CASD1: variants seen among roughly 807,000 people sequenced by gnomAD.
The protein encoded by CASD1 is CAS1 domain sialic acid O acetyltransferase 1.
Under a neutral mutation model 100.0 loss-of-function variants are expected in CASD1, and 41 were observed. That is an observed-to-expected ratio of 0.41 (90% CI 0.32 to 0.53). The LOEUF is 0.53. Among genes scored for constraint, CASD1 ranks in the 20% least tolerant of loss-of-function variants. The pLI is 0.25. For synonymous variants in CASD1, 321 were observed against 315.6 expected (o/e 1.02, Z -0.18); for missense variants, 774 against 948.7 (o/e 0.82, Z 2.42).
chr7:94,536,300 A>G (rs1346570945), intron 8 of CASD1, among the ~76,000 whole-genome samples: 1 of 152,212 alleles, frequency 6.6e-6, no homozygotes, highest in Admixed American at 6.5e-5. Flanking sequence ...TTCAAGATAC[A>G]GAGTACATAC....
chr7:94,600,580 A>G, the CASD1 span: 1 of 1,231,930 alleles, frequency 8.1e-7, no homozygotes, highest in Non-Finnish European at 1.2e-6. Flanking sequence ...TTTGCTTTTA[A>G]TGGAATCTTC....
the CASD1 span, among the ~76,000 whole-genome samples, chr7:94,610,570 CAG>C: frequency 6.6e-6 from 1 of 151,922 alleles, no homozygotes; most frequent in Non-Finnish European, 1.5e-5. Flanking sequence ...GAGAAGAAAA[CAG>C]GTGTAAATAT....
Position 94,510,180 on chromosome 7 carries a change from G to A in CASD1, c.96G>A (p.Leu32=), listed in dbSNP as rs746773459. The A allele has an allele frequency of 1.1e-5, 16 of 1,517,792 alleles. No individual in the cohort carries two copies. In the African/African-American group the frequency reaches 1.1e-4, roughly 11 times the overall value. 94.0% of individuals were successfully genotyped at this position (1,517,792 alleles called of 1,614,324 possible). A position where few individuals can be genotyped will look rare whatever the true frequency, so the allele number is the denominator to read the frequency against. Residue 32 remains leucine (L), a synonymous_variant, in exon 1 of 18, where the codon CTG becomes CTA. Transcript: ENST00000297273. Reference sequence around the variant, plus strand: ...TGCTGGCGCTGGTGGCCGTGCTGCTGCTCGCAGCGTGCCACCTCGCCTCCC... The same window carrying A: ...TGCTGGCGCTGGTGGCCGTGCTGCTACTCGCAGCGTGCCACCTCGCCTCCC... ...AKVLALVAVL[L]LAACHLASRR...
At chr7:94,514,426 G>A (rs558982845) in intron 1 of CASD1, among the ~76,000 whole-genome samples, 19 of 152,212 alleles carry the variant, frequency 1.2e-4, no homozygotes, top group East Asian at 7.7e-4. Flanking sequence ...TCATGATCTC[G>A]TATTTTAATG....
intron 3 of CASD1, 76 bp from the exon 4 acceptor site, chr7:94,527,086 C>A (rs1794609372): frequency 1.9e-6 from 2 of 1,057,766 alleles, no homozygotes; most frequent in South Asian, 2.8e-5. Context: ...AAAAATAAAT[C>A]AAAGCAGCTA....
the CASD1 span, among the ~76,000 whole-genome samples, chr7:94,597,042 T>C: frequency 1.3e-5 from 2 of 152,162 alleles, no homozygotes; most frequent in African/African-American, 4.8e-5. Context: ...TTCTCATCAG[T>C]ATCTAATCCC....
chr7:94,625,309 G>T, the CASD1 span: 1 of 151,866 alleles, frequency 6.6e-6, no homozygotes, highest in Non-Finnish European at 1.5e-5. Flanking sequence ...ATGTGAAAAT[G>T]AGCTATTTAC....
At chr7:94,548,516 TC>T (rs1306960404) in intron 13 of CASD1, among the ~76,000 whole-genome samples, 6 of 151,800 alleles carry the variant, frequency 4.0e-5, no homozygotes, top group Admixed American at 6.6e-5. Flanking sequence ...GTAAAAATCA[TC>T]CTTAATTTTC....
At chr7:94,566,288 T>C in the CASD1 span, among the ~76,000 whole-genome samples, 1 of 152,224 alleles carries the variant, frequency 6.6e-6, no homozygotes, top group South Asian at 2.1e-4. Context: ...CATAGAATTT[T>C]ATAAGCAAGG....
In CASD1 at chr7:94,533,224, A is replaced by G. The variant is rs1011249107; in HGVS notation, c.479A>G (p.His160Arg). ...CTTTAGGATTCCATTGCAAAGCCAC[A>G]TGTGATTGTAGCAGGAGCTGCCACA... ...VWTEDSIAKP[H>R]VIVAGAATWS... The change falls in exon 6 of 18, where the codon CAT (histidine) becomes CGT (arginine). Residue 160 changes from histidine (H) to arginine (R), a missense_variant. Physicochemically the swap from His to Arg is conservative, Grantham distance 29 (BLOSUM62 0). Around this residue, in one of 5 missense-constraint regions of CASD1, gnomAD observed 453 missense variants for 532.6 expected, o/e 0.85. Transcript: ENST00000297273. 6.2e-7 allele frequency: 1 copy of G among 1,609,906 alleles called. No homozygotes were observed. Among genetic ancestry groups the G allele is most frequent in the African/African-American group, 1.3e-5 (1 of 74,874 alleles).
At chr7:94,596,820 T>C in the CASD1 span, among the ~76,000 whole-genome samples, 2 of 152,064 alleles carry the variant, frequency 1.3e-5, no homozygotes, top group Non-Finnish European at 2.9e-5. Context: ...TCCAAGTGTA[T>C]TTGATCATTC....
chr7:94,527,022 A>AT (rs2116267540), intron 3 of CASD1, 140 bp from the exon 4 acceptor site: 1 of 636,834 alleles, frequency 1.6e-6, no homozygotes, highest in South Asian at 2.3e-5. Flanking sequence ...TTCGGGTTGA[A>AT]TGTATAGATA....
chr7:94,538,836 C>G (rs1019339519), intron 9 of CASD1, 131 bp from the exon 10 acceptor site: 2 of 449,796 alleles, frequency 4.4e-6, no homozygotes, highest in Non-Finnish European at 7.8e-6. Context: ...AACTGTTTCT[C>G]ACCATCAAGG....
At chr7:94,530,056 C>CA (rs965143760) in intron 5 of CASD1, among the ~76,000 whole-genome samples, 1 of 152,056 alleles carries the variant, frequency 6.6e-6, no homozygotes, top group Non-Finnish European at 1.5e-5. Context: ...ATCCTCCCCT[C>CA]AAAGAGCTAG....
intron 1 of CASD1, among the ~76,000 whole-genome samples, chr7:94,517,218 C>A (rs766154705): frequency 1.5e-4 from 23 of 152,038 alleles, no homozygotes; most frequent in Non-Finnish European, 2.1e-4. Flanking sequence ...TGAAACTTTT[C>A]ATTCTCAGCT....
chr7:94,614,644 C>G, the CASD1 span, among the ~76,000 whole-genome samples: 1 of 152,126 alleles, frequency 6.6e-6, no homozygotes, highest in African/African-American at 2.4e-5. Context: ...ACTCAGTCAG[C>G]CTTCAGCTCC....
the CASD1 span, chr7:94,600,615 C>T: frequency 6.7e-7 from 1 of 1,487,774 alleles, no homozygotes; most frequent in Non-Finnish European, 9.4e-7. Context: ...AGCAGGATCT[C>T]TAATTATCTT....
chr7:94,595,996 T>C, the CASD1 span, among the ~76,000 whole-genome samples: 1 of 152,176 alleles, frequency 6.6e-6, no homozygotes. Context: ...CAATTATCTG[T>C]GTACCCTATT....
intron 1 of CASD1, among the ~76,000 whole-genome samples, chr7:94,513,418 T>C (rs538729075): frequency 8.2e-4 from 125 of 152,308 alleles, no homozygotes; most frequent in Non-Finnish European, 1.9e-4. Flanking sequence ...GCCTACTTTT[T>C]GTTACCTATG....
Sources: allele counts gnomAD v4.1 joint callset (sites outside exome capture counted in the v4.1 genomes callset), GRCh38; gene constraint gnomAD v4.1.1; regional missense constraint gnomAD v4.1.1; transcripts MANE v1.5; gene names NCBI Gene and HGNC (gene_info 2026-07-23, HGNC 2026-07-21).